Variants in HPSE2 observed in about 807,000 individuals in gnomAD.
HPSE2 encodes the protein inactive heparanase-2.
HPSE2 carries 38 observed loss-of-function variants against 60.5 expected under a neutral mutation model. The ratio of observed to expected loss-of-function variants is 0.63; its 90% CI spans 0.48 to 0.82. The LOEUF is 0.82. HPSE2 is among the 40% of genes least tolerant of loss of function. The pLI is 0.00. For missense variants in HPSE2, 713 were observed against 740.4 expected (o/e 0.96, Z 0.43); for synonymous variants, 295 against 293.2 (o/e 1.01, Z -0.06).
At chr10:99,186,127 C>CACACACACACAT (rs1554912875) in intron 2 of HPSE2, among the ~76,000 whole-genome samples, 3 of 147,564 alleles carry the variant, frequency 2.0e-5, no homozygotes, top group East Asian at 2.0e-4. Context: ...CACACACACA[C>CACACACACACAT]ACACACACAC....
intron 3 of HPSE2, among the ~76,000 whole-genome samples, chr10:99,113,795 A>C (rs1024528460): frequency 2.6e-5 from 4 of 152,034 alleles, no homozygotes; most frequent in African/African-American, 9.7e-5. Context: ...GTACAAGTGC[A>C]GTTGTGTTAC....
At chr10:99,023,004 G>A (rs1029216374) in intron 3 of HPSE2, among the ~76,000 whole-genome samples, 10 of 152,122 alleles carry the variant, frequency 6.6e-5, no homozygotes, top group African/African-American at 2.4e-4. Context: ...TGCACCTTAG[G>A]TACCAGCACA....
intron 3 of HPSE2, among the ~76,000 whole-genome samples, chr10:99,051,262 G>A (rs1957985072): frequency 6.6e-6 from 1 of 152,114 alleles, no homozygotes; most frequent in South Asian, 2.1e-4. Context: ...CAGCCTGGGC[G>A]ACAGAGTGCA....
rs145618423 is a variant in HPSE2, at chr10:98,916,277, C to T, written c.611-172221G>A. 2.3e-3 allele frequency among the ~76,000 whole-genome samples: 350 copies of T among 152,306 alleles called. 2 individuals are homozygous for T. The highest frequency in any genetic ancestry group is 4.1e-3 in the Non-Finnish European group (281 of 68,020). The stretch of plus-strand genomic sequence containing the variant: ...GCATTTTTGAGGATGTGACAAATTG[C>T]TCTTGATTTATCTGCACAGGGCATG... On this transcript the variant is annotated intron_variant, in intron 3 of 11. Coordinates refer to ENST00000370552, the MANE Select transcript of HPSE2 (RefSeq NM_021828.5).
chr10:98,556,163 GAC>G (rs1944002491), intron 9 of HPSE2, among the ~76,000 whole-genome samples: 1 of 152,162 alleles, frequency 6.6e-6, no homozygotes, highest in Admixed American at 6.6e-5. Flanking sequence ...ACCAGATAGC[GAC>G]ACAGAGTCTA....
chr10:98,739,168 T>G (rs975368823), intron 4 of HPSE2, among the ~76,000 whole-genome samples: 2 of 152,166 alleles, frequency 1.3e-5, no homozygotes, highest in African/African-American at 4.8e-5. Flanking sequence ...TCATGTCCTT[T>G]GCAGGGACAT....
intron 3 of HPSE2, among the ~76,000 whole-genome samples, chr10:98,746,028 G>A (rs1949620069): frequency 6.6e-6 from 1 of 152,022 alleles, no homozygotes; most frequent in Admixed American, 6.6e-5. Flanking sequence ...ATATAAGAAA[G>A]TATTTCTTAA....
upstream of HPSE2, chr10:99,235,891 TCC>T: frequency 8.6e-7 from 1 of 1,168,580 alleles, no homozygotes; most frequent in East Asian, 2.5e-5. Context: ...TCCGCCTTTT[TCC>T]CCCCTTTTTT....
At chr10:98,815,825 A>G (rs1298760854) in intron 3 of HPSE2, among the ~76,000 whole-genome samples, 2 of 152,092 alleles carry the variant, frequency 1.3e-5, no homozygotes, top group Non-Finnish European at 2.9e-5. Flanking sequence ...GAGTTGGCCA[A>G]CAACGAATTT....
intron 9 of HPSE2, among the ~76,000 whole-genome samples, chr10:98,524,969 C>G (rs1476190795): frequency 6.6e-6 from 1 of 152,198 alleles, no homozygotes; most frequent in Non-Finnish European, 1.5e-5. Context: ...AGGAGAGAGA[C>G]TGGAAGAAAA....
At chr10:98,580,836 A>ATGTGTGTG (rs1244040035) in intron 9 of HPSE2, among the ~76,000 whole-genome samples, 2 of 119,530 alleles carry the variant, frequency 1.7e-5, no homozygotes, top group African/African-American at 7.2e-5. Flanking sequence ...ATATATATAT[A>ATGTGTGTG]TGTGTGTGTG....
chr10:98,851,419 A>G (rs1589946496), intron 3 of HPSE2, among the ~76,000 whole-genome samples: 1 of 152,188 alleles, frequency 6.6e-6, no homozygotes, highest in South Asian at 2.1e-4. Context: ...ATTTTTGTTC[A>G]GCACAAACCA....
Position 98,482,647 on chromosome 10 carries a change from G to A in HPSE2, c.1602C>T (p.Gly534=), listed in dbSNP as rs553765717. The A allele has an allele frequency of 3.7e-6, 6 of 1,614,110 alleles. No individual in the cohort carries two copies. The highest frequency in any genetic ancestry group is 1.1e-5 in the South Asian group (1 of 91,076). Reference sequence around the variant, plus strand: ...AGGTTGGCACGTACTTGGACTTTAGGCCCTCCTGCCCATAGGGCTGCAGCA... The same window carrying A: ...AGGTTGGCACGTACTTGGACTTTAGACCCTCCTGCCCATAGGGCTGCAGCA... ...QYLLQPYGQE[G]LKSKSVQLNG... The change falls in exon 11 of 12, where the codon GGC becomes GGT. Residue 534 remains glycine, a synonymous_variant. Coordinates refer to ENST00000370552, the MANE Select transcript of HPSE2 (RefSeq NM_021828.5).
In HPSE2 at chr10:98,768,969, C is replaced by A. The variant is rs139674060; in HGVS notation, c.611-24913G>T. ...GACCGAAGCAGGAGAATTGCTTGAA[C>A]CTGGGAGGCAGAGGTTGCAGTGAAG... On this transcript the variant is annotated intron_variant, in intron 3 of 11. Coordinates refer to ENST00000370552, the MANE Select transcript of HPSE2 (RefSeq NM_021828.5). Among the ~76,000 whole-genome samples, 1,121 of 152,218 alleles carry A rather than the reference C, an allele frequency of 7.4e-3. 17 individuals carry two copies. Among genetic ancestry groups the A allele is most frequent in the African/African-American group, 0.025 (1,040 of 41,524 alleles).
At chr10:99,090,210 G>T (rs1177225098) in intron 3 of HPSE2, among the ~76,000 whole-genome samples, 1 of 151,958 alleles carries the variant, frequency 6.6e-6, no homozygotes, top group Non-Finnish European at 1.5e-5. Context: ...ATCCTATTTA[G>T]AACTGAATAC....
rs962465610 is a variant in HPSE2, at chr10:98,772,082, G to A, written c.611-28026C>T. Among the ~76,000 whole-genome samples the A allele has an allele frequency of 2.0e-5, 3 of 152,244 alleles. No homozygotes were observed. The South Asian group carries it at 6.2e-4, about 32-fold the overall frequency. ...GTTTTGGACTGGGCAATAACCGTAA[G>A]GATGGTGGTTGGAGAGGCAAAGCAA... On this transcript the variant is annotated intron_variant, in intron 3 of 11. Transcript: ENST00000370552.
upstream of HPSE2, among the ~76,000 whole-genome samples, chr10:99,238,749 G>A (rs1264374829): frequency 6.6e-6 from 1 of 152,180 alleles, no homozygotes; most frequent in South Asian, 2.1e-4. Flanking sequence ...TTAGTAATCA[G>A]TATATTAGAT....
the HPSE2 span, among the ~76,000 whole-genome samples, chr10:99,297,279 T>C: frequency 6.6e-6 from 1 of 152,186 alleles, no homozygotes; most frequent in African/African-American, 2.4e-5. Flanking sequence ...CCCTTCCCAC[T>C]GCTGCAGTTG....
At chr10:98,798,960 T>C (rs763076871) in intron 3 of HPSE2, among the ~76,000 whole-genome samples, 1 of 152,034 alleles carries the variant, frequency 6.6e-6, no homozygotes, top group African/African-American at 2.4e-5. Context: ...GAATGGAAAA[T>C]GGACTAAACT....
Sources: gnomAD v4.1 joint callset for allele counts (sites outside exome capture counted in the v4.1 genomes callset) on GRCh38, gnomAD v4.1.1 for gene constraint, MANE v1.5 for transcripts, NCBI Gene and HGNC (gene_info 2026-07-23, HGNC 2026-07-21) for gene names.